DIAPH3: variants seen among roughly 807,000 people sequenced by gnomAD.
DIAPH3 encodes diaphanous related formin 3.
Under a neutral mutation model 144.3 loss-of-function variants are expected in DIAPH3, and 117 were observed. The observed-to-expected ratio is 0.81, with a 90% CI of 0.70 to 0.95. The LOEUF is 0.95. DIAPH3 is among the 40% of genes least tolerant of loss of function. DIAPH3 has a pLI of 0.00. For synonymous variants in DIAPH3, 519 were observed against 488.9 expected, an observed-to-expected ratio of 1.06 and a Z score of -0.81; for missense variants, 1,421 against 1,412.7, an observed-to-expected ratio of 1.01 and a Z score of -0.09.
At chr13:60,100,610 G>C (rs1462384808) in intron 3 of DIAPH3, among the ~76,000 whole-genome samples, 1 of 152,058 alleles carries the variant, frequency 6.6e-6, no homozygotes, top group African/African-American at 2.4e-5. Flanking sequence ...ATTAGAGGTA[G>C]TTTGGTGAAA....
intron 20 of DIAPH3, among the ~76,000 whole-genome samples, chr13:59,883,042 A>G (rs1265936035): frequency 1.3e-5 from 2 of 152,186 alleles, no homozygotes; most frequent in African/African-American, 2.4e-5. Flanking sequence ...TGTTGGCAAT[A>G]TATGTTGTTA....
chr13:59,996,891 G>A (rs2052228300), intron 9 of DIAPH3, among the ~76,000 whole-genome samples: 1 of 152,012 alleles, frequency 6.6e-6, no homozygotes, highest in Non-Finnish European at 1.5e-5. Context: ...AAAATAAAGT[G>A]AGAAGTTTTC....
rs1207423948 is a variant in DIAPH3, at chr13:60,163,794, A to G, written c.-28T>C. On this transcript the variant is annotated 5_prime_UTR_variant, in exon 1 of 28. Coordinates refer to ENST00000400324, the MANE Select transcript of DIAPH3 (RefSeq NM_001042517.2). The stretch of plus-strand genomic sequence containing the variant: ...TTCCCCGCAGCTCCGGGGACCGGAA[A>G]GAAGGTGGCCACTCAGCAAGCCGCA... 5 of 1,548,398 alleles carry G rather than the reference A, an allele frequency of 3.2e-6. No homozygotes were observed. Among genetic ancestry groups the G allele is most frequent in the Admixed American group, 3.9e-5 (2 of 51,314 alleles).
chr13:59,705,254 G>A (rs1442949953), intron 27 of DIAPH3, among the ~76,000 whole-genome samples: 2 of 152,102 alleles, frequency 1.3e-5, no homozygotes, highest in African/African-American at 4.8e-5. Context: ...CAAGAGAGCC[G>A]CCATGAATTT....
intron 17 of DIAPH3, among the ~76,000 whole-genome samples, chr13:59,930,767 G>T (rs2047981763): frequency 6.6e-6 from 1 of 152,154 alleles, no homozygotes; most frequent in Non-Finnish European, 1.5e-5. Context: ...AAAGAAGGTG[G>T]ATTAGAAGAA....
chr13:59,708,476 G>A (rs1026223490), intron 27 of DIAPH3, among the ~76,000 whole-genome samples: 2 of 152,134 alleles, frequency 1.3e-5, no homozygotes, highest in Non-Finnish European at 2.9e-5. Flanking sequence ...TCCAATGGTC[G>A]TTTTACAACT....
intron 15 of DIAPH3, 132 bp downstream of exon 15, chr13:59,974,220 A>C: frequency 1.4e-6 from 1 of 725,426 alleles, no homozygotes; most frequent in Non-Finnish European, 2.3e-6. Flanking sequence ...AGCAAAACAC[A>C]GTACAAATAA....
chr13:59,974,629 C>T (rs986087035), intron 14 of DIAPH3, among the ~76,000 whole-genome samples, 173 bp from the exon 15 acceptor site: 7 of 151,888 alleles, frequency 4.6e-5, no homozygotes, highest in African/African-American at 1.7e-4. Context: ...CTCTAGGCCC[C>T]TCCAGGTCCC....
chr13:59,802,150 T>A (rs568383814), intron 25 of DIAPH3, among the ~76,000 whole-genome samples: 1 of 152,310 alleles, frequency 6.6e-6, no homozygotes, highest in African/African-American at 2.4e-5. Context: ...GACACACTGA[T>A]ATTTCCATCT....
Position 59,762,052 on chromosome 13 carries a change from CTTTTTTT to C in DIAPH3, c.3319+12130_3319+12136del, listed in dbSNP as rs35387511. On this transcript the variant is annotated intron_variant, in intron 27 of 27. Transcript: ENST00000400324. Reference sequence around the variant, plus strand: ...GCACCCAAGATGAAAGCGTCAGCATCTTTTTTTTTTTTTTTTTTTTTTTTTTTTAGAC... The same window carrying C: ...GCACCCAAGATGAAAGCGTCAGCATCTTTTTTTTTTTTTTTTTTTTTAGAC... 3.0e-4 allele frequency among the ~76,000 whole-genome samples: 18 copies of C among 59,520 alleles called. No homozygotes were observed. The East Asian group carries it at 5.1e-3, about 17-fold the overall frequency. The allele number at this position is 59,520 out of a possible 152,430, so 39.0% of individuals were successfully genotyped here.
chr13:59,902,595 G>A (rs1158425417), intron 20 of DIAPH3, among the ~76,000 whole-genome samples: 1 of 152,114 alleles, frequency 6.6e-6, no homozygotes, highest in Non-Finnish European at 1.5e-5. Context: ...CCAACATGGT[G>A]AAACCCCATC....
chr13:59,709,880 T>A (rs831865), intron 27 of DIAPH3, among the ~76,000 whole-genome samples: 102,770 of 151,086 alleles, frequency 0.68, 35,106 homozygotes, highest in East Asian at 0.83. Context: ...ATTAAGAAAA[T>A]GTGGCACATA....
At chr13:60,117,014 G>A (rs1033019114) in intron 2 of DIAPH3, among the ~76,000 whole-genome samples, 3 of 151,976 alleles carry the variant, frequency 2.0e-5, no homozygotes, top group East Asian at 1.9e-4. Flanking sequence ...TGTACCTAAC[G>A]ATTTCATAGT....
intron 13 of DIAPH3, among the ~76,000 whole-genome samples, chr13:59,981,359 A>G (rs1240803043): frequency 1.3e-5 from 2 of 151,394 alleles, no homozygotes; most frequent in Non-Finnish European, 3.0e-5. Flanking sequence ...GACATGAGGA[A>G]ACCAATAGTG....
At chr13:59,943,319 G>A (rs556796237) in intron 17 of DIAPH3, among the ~76,000 whole-genome samples, 1 of 152,298 alleles carries the variant, frequency 6.6e-6, no homozygotes, top group South Asian at 2.1e-4. Flanking sequence ...CAGCTACCTA[G>A]TGGTAGATTC....
chr13:60,163,474 C>A, intron 1 of DIAPH3, 113 bp downstream of exon 1: 4 of 1,438,550 alleles, frequency 2.8e-6, no homozygotes, highest in Admixed American at 2.0e-5. Context: ...ATCTTTGGCA[C>A]CTCTGGATCT....
At chr13:59,698,826 C>G (rs1445008780) in intron 27 of DIAPH3, among the ~76,000 whole-genome samples, 1 of 152,058 alleles carries the variant, frequency 6.6e-6, no homozygotes, top group East Asian at 1.9e-4. Flanking sequence ...GCAGTGGTCC[C>G]CAACTGCAGC....
chr13:60,126,093 C>A (rs1200040078), intron 2 of DIAPH3, among the ~76,000 whole-genome samples: 1 of 152,142 alleles, frequency 6.6e-6, no homozygotes, highest in Non-Finnish European at 1.5e-5. Flanking sequence ...CAGAGATATA[C>A]ATGGTTAGTT....
intron 25 of DIAPH3, among the ~76,000 whole-genome samples, chr13:59,785,432 T>C (rs2038984624): frequency 6.6e-6 from 1 of 152,172 alleles, no homozygotes; most frequent in South Asian, 2.1e-4. Flanking sequence ...TTCTTACTCT[T>C]ATCAGCTGTG....
Sources: allele counts gnomAD v4.1 joint callset (sites outside exome capture counted in the v4.1 genomes callset), GRCh38; gene constraint gnomAD v4.1.1; transcripts MANE v1.5; gene names NCBI Gene and HGNC (gene_info 2026-07-23, HGNC 2026-07-21).